GRAMD1B: variants seen among roughly 807,000 people sequenced by gnomAD.
GRAMD1B encodes the protein protein Aster-B.
GRAMD1B carries 37 observed loss-of-function variants against 99.7 expected under a neutral mutation model. The observed-to-expected ratio is 0.37, with a 90% CI of 0.29 to 0.49. The LOEUF (loss-of-function observed/expected upper bound fraction) is 0.49. Among genes scored for constraint, GRAMD1B ranks in the 20% least tolerant of loss-of-function variants. The probability of loss-of-function intolerance (pLI) is 0.98; values close to 1 mark genes in which losing one functional copy is unlikely to be tolerated. For synonymous variants in GRAMD1B, 427 were observed against 387.6 expected (o/e 1.10, Z -1.19); for missense variants, 888 against 1,009.2 (o/e 0.88, Z 1.63).
At chr11:123,387,905 T>A (rs1947125853) in intron 1 of GRAMD1B, among the ~76,000 whole-genome samples, 1 of 151,216 alleles carries the variant, frequency 6.6e-6, no homozygotes, top group African/African-American at 2.4e-5. Flanking sequence ...AGGTGGATCA[T>A]CTGAGGTCAG....
rs1185682126 is a variant in GRAMD1B at position 123,591,520 on chromosome 11, C to T, written c.685-2562C>T. 4 of 398,850 alleles carry T rather than the reference C, an allele frequency of 1.0e-5. No individual in the cohort carries two copies. Among genetic ancestry groups the T allele is most frequent in the Admixed American group, 4.4e-5 (1 of 22,712 alleles). 24.7% of individuals were successfully genotyped at this position (398,850 alleles called of 1,614,324 possible). On this transcript the variant is annotated intron_variant, in intron 4 of 19. Transcript: ENST00000635736. The surrounding 1 kb of genome is among the most constrained non-coding windows in gnomAD (Gnocchi z 4.7). ...CTGCCGCTGAACACCGTTGCTGGCACGGATCTGAGGAAATCCCAGCCGTGA... is the reference window on the plus strand; with the variant it reads ...CTGCCGCTGAACACCGTTGCTGGCATGGATCTGAGGAAATCCCAGCCGTGA...
intron 1 of GRAMD1B, among the ~76,000 whole-genome samples, chr11:123,434,104 C>T (rs111541795): frequency 0.11 from 17,299 of 151,696 alleles, 1,084 homozygotes; most frequent in Non-Finnish European, 0.13. Context: ...GTGGTGGACA[C>T]CTGTAGTCCC....
intron 2 of GRAMD1B, among the ~76,000 whole-genome samples, chr11:123,490,854 G>T (rs1211957431): frequency 6.6e-6 from 1 of 152,176 alleles, no homozygotes; most frequent in Non-Finnish European, 1.5e-5. Flanking sequence ...GGTGGATGCA[G>T]GTGAGTTCCT....
At chr11:123,468,016 C>T (rs1007411184) in intron 1 of GRAMD1B, among the ~76,000 whole-genome samples, 3 of 151,810 alleles carry the variant, frequency 2.0e-5, no homozygotes, top group Non-Finnish European at 4.4e-5. Flanking sequence ...GGCATGCCCA[C>T]CACACTCAGC....
intron 1 of GRAMD1B, among the ~76,000 whole-genome samples, chr11:123,445,080 G>C (rs1281340133): frequency 2.0e-5 from 3 of 152,180 alleles, no homozygotes; most frequent in Admixed American, 6.5e-5. Flanking sequence ...ACCAGGAAAG[G>C]ACCAAATATA....
Position 123,491,019 on chromosome 11 carries a change from A to C in GRAMD1B, c.452+10126A>C, listed in dbSNP as rs148071735. On this transcript the variant is annotated intron_variant, in intron 2 of 19. Coordinates refer to ENST00000635736, the MANE Select transcript of GRAMD1B (RefSeq NM_001387025.1). ...TAATTCTGGGACTTTTTTTGTGTCA[A>C]CTTTTCTCCAAGTACCTTAAAAGAC... Among the ~76,000 whole-genome samples, 25 of 152,304 alleles carry C rather than the reference A, an allele frequency of 1.6e-4. No individual in the cohort carries two copies. In the East Asian group the frequency reaches 4.6e-3, roughly 28 times the overall value.
At chr11:123,525,954 G>A (rs549375170) in intron 2 of GRAMD1B, 1 of 594,488 alleles carries the variant, frequency 1.7e-6, no homozygotes, top group Non-Finnish European at 3.1e-6. Flanking sequence ...AGCTGGGAGA[G>A]GGGGAAGAAG....
Position 123,370,791 on chromosome 11 carries a change from T to C in GRAMD1B, c.-176+11992T>C, listed in dbSNP as rs866613615. Among the ~76,000 whole-genome samples, 4 of 152,274 alleles carry C rather than the reference T, an allele frequency of 2.6e-5. No homozygotes were observed. The South Asian group carries it at 8.3e-4, about 32-fold the overall frequency. ...TATTGACTGGGGACAAAGGAAAAGATTTCCATACAGTGTTCTGTTGGAGTT... is the reference window on the plus strand; with the variant it reads ...TATTGACTGGGGACAAAGGAAAAGACTTCCATACAGTGTTCTGTTGGAGTT... On this transcript the variant is annotated intron_variant, in intron 1 of 20. Coordinates refer to the GRAMD1B transcript ENST00000638157.
chr11:123,390,274 T>C lies in GRAMD1B; in HGVS notation c.-176+31475T>C, dbSNP rs1035160958. ...GATATTAAGTGGAAGTCCAATGACATGAAATAAATGCAGACTTGCTCTGGC... is the reference window on the plus strand; with the variant it reads ...GATATTAAGTGGAAGTCCAATGACACGAAATAAATGCAGACTTGCTCTGGC... On this transcript the variant is annotated intron_variant, in intron 1 of 20. Coordinates refer to the GRAMD1B transcript ENST00000638157. Among the ~76,000 whole-genome samples the C allele has an allele frequency of 3.9e-5, 6 of 152,064 alleles. No homozygotes were observed. The East Asian group carries it at 9.7e-4, about 24-fold the overall frequency.
chr11:123,552,424 A>G (rs1226931395), intron 2 of GRAMD1B, among the ~76,000 whole-genome samples: 1 of 151,704 alleles, frequency 6.6e-6, no homozygotes, highest in Non-Finnish European at 1.5e-5. Context: ...ACAGGGGTGC[A>G]TCACCACGCC....
At chr11:123,554,538 A>AG (rs1555070563) in intron 2 of GRAMD1B, among the ~76,000 whole-genome samples, 1 of 151,002 alleles carries the variant, frequency 6.6e-6, no homozygotes, top group African/African-American at 2.4e-5. Flanking sequence ...AAAAAAAAAA[A>AG]AAAAAAAGAA....
At chr11:123,577,115 G>A (rs1386066634) in intron 2 of GRAMD1B, among the ~76,000 whole-genome samples, 1 of 152,264 alleles carries the variant, frequency 6.6e-6, no homozygotes, top group East Asian at 1.9e-4. Flanking sequence ...ACGGATGCAT[G>A]TCTAGATGTC....
chr11:123,546,107 T>C (rs968152522), intron 2 of GRAMD1B, among the ~76,000 whole-genome samples: 1 of 152,252 alleles, frequency 6.6e-6, no homozygotes, highest in African/African-American at 2.4e-5. Flanking sequence ...GAAAACAAGC[T>C]GCAGGCCAGG....
At chr11:123,507,775 A>T (rs967210044) in intron 2 of GRAMD1B, among the ~76,000 whole-genome samples, 2 of 152,190 alleles carry the variant, frequency 1.3e-5, no homozygotes, top group African/African-American at 4.8e-5. Flanking sequence ...CTTCAGTTTA[A>T]AAAAAGGCCT....
At chr11:123,375,919 C>A (rs570558097) in intron 1 of GRAMD1B, among the ~76,000 whole-genome samples, 1 of 152,138 alleles carries the variant, frequency 6.6e-6, no homozygotes, top group South Asian at 2.1e-4. Context: ...GGGGGAAGAA[C>A]AAGAGAGAAG....
At chr11:123,598,923 C>T in intron 7 of GRAMD1B, 2 of 1,129,356 alleles carry the variant, frequency 1.8e-6, no homozygotes, top group South Asian at 1.2e-5. Flanking sequence ...TGCATTCCTC[C>T]TGTCTTTAGG....
intron 12 of GRAMD1B, among the ~76,000 whole-genome samples, chr11:123,609,436 G>A (rs1334178528): frequency 2.0e-5 from 3 of 152,122 alleles, no homozygotes; most frequent in Admixed American, 6.5e-5. Context: ...CTGAGGGCAC[G>A]GGGAGGTCAT....
chr11:123,365,440 C>T lies in GRAMD1B; in HGVS notation c.-176+6641C>T, dbSNP rs528867075. ...CTAATTTTTGTATTTTTAGTAGAGA[C>T]GGGGTTTCGCCATGTTGGCCAGGCT... On this transcript the variant is annotated intron_variant, in intron 1 of 20. Coordinates refer to the GRAMD1B transcript ENST00000638157. Among the ~76,000 whole-genome samples, 12 of 152,140 alleles carry T rather than the reference C, an allele frequency of 7.9e-5. No homozygotes were observed. In the East Asian group the frequency reaches 1.5e-3, roughly 20 times the overall value.
chr11:123,505,222 G>A (rs1261164044), intron 2 of GRAMD1B, among the ~76,000 whole-genome samples: 1 of 151,186 alleles, frequency 6.6e-6, no homozygotes, highest in Admixed American at 6.6e-5. Context: ...AGAGATGGGA[G>A]TCTCTCACTC....
Sources: gnomAD v4.1 joint callset for allele counts (sites outside exome capture counted in the v4.1 genomes callset) on GRCh38, gnomAD v4.1.1 for gene constraint, Gnocchi (gnomAD v3.1) non-coding constraint, MANE v1.5 for transcripts, NCBI Gene and HGNC (gene_info 2026-07-23, HGNC 2026-07-21) for gene names.